The following MYOF variants were observed in gnomAD, a reference collection of about 807,000 sequenced individuals.
MYOF encodes myoferlin, also known as fer-1-like 3, myoferlin.
Under a neutral mutation model 284.2 loss-of-function variants are expected in MYOF, and 244 were observed. That is an observed-to-expected ratio of 0.86 (90% CI 0.77 to 0.95). The LOEUF is 0.95. Ranked by LOEUF, MYOF falls within the 40% of genes least tolerant of loss-of-function variation. The pLI, the probability that MYOF is intolerant of heterozygous loss-of-function variation, is 0.00. For synonymous variants in MYOF, 904 were observed against 919.7 expected (o/e 0.98, Z 0.31); for missense variants, 2,496 against 2,560.6 (o/e 0.97, Z 0.54).
intron 26 of MYOF, among the ~76,000 whole-genome samples, chr10:93,366,159 T>C (rs1423148809): frequency 6.6e-6 from 1 of 152,184 alleles, no homozygotes; most frequent in Non-Finnish European, 1.5e-5. Context: ...GCACACTGCC[T>C]GACACAGTCA....
intron 51 of MYOF, among the ~76,000 whole-genome samples, chr10:93,312,346 TTC>T (rs954352196): frequency 1.6e-5 from 1 of 60,732 alleles, no homozygotes; most frequent in Non-Finnish European, 3.9e-5. Context: ...TCTCTTTTTT[TTC>T]TTTTTTATTT....
chr10:93,432,118 T>A (rs1048751410), intron 3 of MYOF, among the ~76,000 whole-genome samples: 4 of 152,112 alleles, frequency 2.6e-5, no homozygotes, highest in Non-Finnish European at 5.9e-5. Flanking sequence ...CCAGACACAG[T>A]GGCTTATGCC....
At position 93,340,484 on chromosome 10, in the gene MYOF, C is replaced by T. The variant is rs1310614789; in HGVS notation, c.4327-320G>A. Among the ~76,000 whole-genome samples the T allele has an allele frequency of 4.6e-5, 7 of 152,138 alleles. 1 individual carries two copies. The highest frequency in any genetic ancestry group is 1.9e-4 in the East Asian group (1 of 5,180). On this transcript the variant is annotated intron_variant, in intron 38 of 53. Transcript: ENST00000359263. The stretch of plus-strand genomic sequence containing the variant: ...TCGATGGAGTTAGACATTTCCCAGT[C>T]GGGAGCACACAGCTCACACAGGAGC...
At chr10:93,320,157 G>T in intron 48 of MYOF, 144 bp from the exon 49 acceptor site, 1 of 949,302 alleles carries the variant, frequency 1.1e-6, no homozygotes, top group East Asian at 2.6e-5. Context: ...GGAGCTGGGG[G>T]TGATTTATGG....
intron 16 of MYOF, among the ~76,000 whole-genome samples, chr10:93,395,424 C>A (rs1846954049): frequency 6.6e-6 from 1 of 152,200 alleles, no homozygotes; most frequent in Admixed American, 6.5e-5. Context: ...GCCTGGGTGA[C>A]AGAGCGAGAC....
intron 19 of MYOF, among the ~76,000 whole-genome samples, chr10:93,386,888 G>C (rs564191085): frequency 6.6e-5 from 10 of 152,146 alleles, no homozygotes; most frequent in Non-Finnish European, 1.2e-4. Context: ...ACGGCAGTTG[G>C]GCCTGGACTC....
Position 93,372,955 on chromosome 10 carries a change from C to T in MYOF, c.2432G>A (p.Gly811Glu). The T allele has an allele frequency of 6.2e-7, 1 of 1,614,130 alleles. No individual in the cohort carries two copies. The highest frequency in any genetic ancestry group is 8.5e-7 in the Non-Finnish European group (1 of 1,180,006). ...SGENASGKYC[G>E]KTQTIFLKYP... Reference sequence around the variant, plus strand: ...CTTCAGAAAGATGGTTTGGGTTTTCCCACAGTATTTTCCAGATGCATTCTC... The same window carrying T: ...CTTCAGAAAGATGGTTTGGGTTTTCTCACAGTATTTTCCAGATGCATTCTC... Residue 811 changes from glycine to glutamate, a missense_variant, in exon 24 of 54, where the codon GGG (glycine) becomes GAG (glutamate). By Grantham distance (98) the Gly-to-Glu change is moderately conservative. This residue lies in a region of MYOF where 2,436 missense variants were observed against 2,480.7 expected (regional missense o/e 0.98). Coordinates refer to ENST00000359263, the MANE Select transcript of MYOF (RefSeq NM_013451.4).
intron 19 of MYOF, among the ~76,000 whole-genome samples, chr10:93,383,574 T>A (rs1017487460): frequency 6.6e-6 from 1 of 152,184 alleles, no homozygotes; most frequent in Non-Finnish European, 1.5e-5. Flanking sequence ...CCCCCTGGAA[T>A]ACCCGTGGTC....
At chr10:93,344,159 T>G (rs17108514) in intron 37 of MYOF, among the ~76,000 whole-genome samples, 5,217 of 152,306 alleles carry the variant, frequency 0.034, 320 homozygotes, top group African/African-American at 0.12. Flanking sequence ...GATTATATGT[T>G]CATTACTGTT....
rs1846477511 is a variant in MYOF at position 93,387,974 on chromosome 10, C to T, written c.1582-61G>A. The stretch of plus-strand genomic sequence containing the variant: ...AGCAACAGCAAAAAGAATTCTGTGT[C>T]TCTAGTCAGGCTAATACAACTGCAA... On this transcript the variant is annotated intron_variant, in intron 18 of 53. Transcript: ENST00000359263. 3.7e-6 allele frequency: 5 copies of T among 1,351,226 alleles called. No individual in the cohort carries two copies. In the Admixed American group the frequency reaches 5.0e-5, roughly 14 times the overall value. The allele number at this position is 1,351,226 out of a possible 1,614,324, so 83.7% of individuals were successfully genotyped here.
chr10:93,390,469 A>G (rs1846622603), intron 17 of MYOF, among the ~76,000 whole-genome samples: 2 of 152,242 alleles, frequency 1.3e-5, no homozygotes, highest in Admixed American at 1.3e-4. Context: ...AGGATGCCAC[A>G]TGTCACACTT....
intron 3 of MYOF, among the ~76,000 whole-genome samples, chr10:93,433,721 T>C (rs1056012489): frequency 1.3e-5 from 2 of 152,234 alleles, no homozygotes; most frequent in African/African-American, 4.8e-5. Context: ...TTTTAAAATA[T>C]AATACAGTAT....
At chr10:93,478,202 T>C (rs945320509) in intron 1 of MYOF, 1 of 348,750 alleles carries the variant, frequency 2.9e-6, no homozygotes, top group Non-Finnish European at 5.8e-6. Context: ...GAGGACTGTT[T>C]GGAAGAATCA....
Position 93,364,035 on chromosome 10 carries a change from C to T in MYOF, c.2794G>A (p.Asp932Asn), listed in dbSNP as rs761109116. 27 of 1,614,096 alleles carry T rather than the reference C, an allele frequency of 1.7e-5. 1 individual carries two copies. The highest frequency in any genetic ancestry group is 8.5e-7 in the Non-Finnish European group (1 of 1,180,048). Residue 932 changes from aspartate to asparagine, a missense_variant, in exon 27 of 54, where the codon GAT becomes AAT. Coordinates refer to ENST00000359263, the MANE Select transcript of MYOF (RefSeq NM_013451.4). ...CGGCTCTCGTTCTGATAGACTTCATCAGTGAACTCCGTGTGACCTGCATCT... is the reference window on the plus strand; with the variant it reads ...CGGCTCTCGTTCTGATAGACTTCATTAGTGAACTCCGTGTGACCTGCATCT... ...EADAGHTEFTDEVYQNESRYP... is the reference protein window; with the variant it reads ...EADAGHTEFTNEVYQNESRYP...
rs535137778 is a variant in MYOF, at chr10:93,395,959, C to G, written c.1417+183G>C. 2.0e-5 allele frequency among the ~76,000 whole-genome samples: 3 copies of G among 150,478 alleles called. No homozygotes were observed. In the South Asian group the frequency reaches 6.4e-4, roughly 32 times the overall value. On this transcript the variant is annotated intron_variant, in intron 16 of 53. Transcript: ENST00000359263. ...ATGATTTTAGCAGTTTACTTATATACTTCAATGATTAATTGTTTTGCAGGC... is the reference window on the plus strand; with the variant it reads ...ATGATTTTAGCAGTTTACTTATATAGTTCAATGATTAATTGTTTTGCAGGC...
At chr10:93,422,822 CA>C (rs1243502302) in intron 5 of MYOF, among the ~76,000 whole-genome samples, 3 of 152,024 alleles carry the variant, frequency 2.0e-5, no homozygotes, top group African/African-American at 7.2e-5. Flanking sequence ...ATAAACCCAG[CA>C]AGCAATGTTC....
intron 17 of MYOF, 53 bp from the exon 18 acceptor site, chr10:93,389,207 GAAAT>G: frequency 1.3e-6 from 2 of 1,559,992 alleles, no homozygotes; most frequent in South Asian, 2.5e-5. Context: ...TCAATCTATT[GAAAT>G]AAATATTAGT....
intron 31 of MYOF, 88 bp from the exon 32 acceptor site, chr10:93,353,976 C>T (rs1340587813): frequency 9.6e-7 from 1 of 1,044,520 alleles, no homozygotes; most frequent in East Asian, 2.4e-5. Flanking sequence ...ATACATGTTT[C>T]TGATAAATGG....
At chr10:93,353,980 T>G in intron 31 of MYOF, 92 bp from the exon 32 acceptor site, 1 of 994,174 alleles carries the variant, frequency 1.0e-6, no homozygotes, top group Non-Finnish European at 1.5e-6. Flanking sequence ...ATGTTTCTGA[T>G]AAATGGGTCA....
Sources: allele counts gnomAD v4.1 joint callset (sites outside exome capture counted in the v4.1 genomes callset), GRCh38; gene constraint gnomAD v4.1.1; regional missense constraint gnomAD v4.1.1; transcripts MANE v1.5; gene names NCBI Gene and HGNC (gene_info 2026-07-23, HGNC 2026-07-21).